Variants in TAFA2 observed in about 807,000 individuals in gnomAD.
The protein encoded by TAFA2 is TAFA chemokine like family member 2.
TAFA2 carries 7 observed loss-of-function variants against 18.8 expected under a neutral mutation model. That is an observed-to-expected ratio of 0.37 (90% CI 0.21 to 0.70). The LOEUF (loss-of-function observed/expected upper bound fraction) is 0.70. Among genes scored for constraint, TAFA2 ranks in the 30% least tolerant of loss-of-function variants. The pLI is 0.53. For synonymous variants in TAFA2, 60 were observed against 54.2 expected (o/e 1.11, Z -0.47); for missense variants, 122 against 158.1 (o/e 0.77, Z 1.23).
chr12:62,254,330 G>A lies in TAFA2; in HGVS notation c.-130+4433C>T, dbSNP rs541449127. Among the ~76,000 whole-genome samples, 23 of 152,244 alleles carry A rather than the reference G, an allele frequency of 1.5e-4. 2 individuals are homozygous for A. In the South Asian group the frequency reaches 4.6e-3, roughly 30 times the overall value. ...AGAAGTCTAGTATCACTATTTTACA[G>A]ATGAGAAAACTAATGTTTCCAGTAT... On this transcript the variant is annotated intron_variant, in intron 1 of 5. Coordinates refer to the TAFA2 transcript ENST00000551619.
At chr12:62,006,364 G>C (rs1363259832) in intron 1 of TAFA2, among the ~76,000 whole-genome samples, 2 of 152,000 alleles carry the variant, frequency 1.3e-5, no homozygotes, top group Admixed American at 6.6e-5. Context: ...AAACCAAAGC[G>C]CTCCTATAAA....
intron 1 of TAFA2, among the ~76,000 whole-genome samples, chr12:62,179,084 A>G (rs1406154061): frequency 1.3e-5 from 2 of 152,216 alleles, no homozygotes; most frequent in African/African-American, 2.4e-5. Flanking sequence ...ATATAGCACT[A>G]TTTAAGTATA....
At chr12:62,064,015 T>C (rs768441438) in intron 1 of TAFA2, among the ~76,000 whole-genome samples, 1 of 152,138 alleles carries the variant, frequency 6.6e-6, no homozygotes, top group Non-Finnish European at 1.5e-5. Flanking sequence ...CAATGGTAGG[T>C]GCTTAATATA....
At chr12:62,234,832 G>A (rs1434769603) in intron 1 of TAFA2, 49 of 1,025,616 alleles carry the variant, frequency 4.8e-5, no homozygotes, top group Non-Finnish European at 7.3e-5. Flanking sequence ...TGACTTACGA[G>A]AGTCCTGAGA....
At chr12:61,757,722 G>C (rs1869341729) in intron 2 of TAFA2, among the ~76,000 whole-genome samples, 1 of 152,018 alleles carries the variant, frequency 6.6e-6, no homozygotes, top group Non-Finnish European at 1.5e-5. Context: ...AGAAATGTGT[G>C]TGTGAAGGAA....
At chr12:62,150,889 A>G (rs994726731) in intron 1 of TAFA2, among the ~76,000 whole-genome samples, 2 of 143,474 alleles carry the variant, frequency 1.4e-5, no homozygotes, top group African/African-American at 5.1e-5. Flanking sequence ...GACCCTGTCC[A>G]AAAAAAAAAA....
intron 1 of TAFA2, among the ~76,000 whole-genome samples, chr12:61,990,501 G>A (rs1007956655): frequency 6.6e-6 from 1 of 151,746 alleles, no homozygotes; most frequent in African/African-American, 2.4e-5. Flanking sequence ...CACCACGTCC[G>A]GCTAATTTTT....
intron 1 of TAFA2, among the ~76,000 whole-genome samples, chr12:62,076,959 T>G (rs571428023): frequency 6.8e-4 from 104 of 152,316 alleles, no homozygotes; most frequent in South Asian, 3.1e-3. Flanking sequence ...CTAAAAGAAA[T>G]GAAGCCTCGA....
chr12:62,042,914 C>T (rs1881803120), intron 1 of TAFA2, among the ~76,000 whole-genome samples: 1 of 152,084 alleles, frequency 6.6e-6, no homozygotes, highest in Non-Finnish European at 1.5e-5. Flanking sequence ...GCCTTTCCTC[C>T]CCTTCTGTAG....
chr12:61,822,999 CAG>C (rs1423694726), intron 2 of TAFA2, among the ~76,000 whole-genome samples: 6 of 152,052 alleles, frequency 3.9e-5, no homozygotes, highest in African/African-American at 1.4e-4. Flanking sequence ...GCATTCTCTA[CAG>C]AGTTTTATCA....
chr12:61,767,721 C>T (rs1207961007), intron 2 of TAFA2, among the ~76,000 whole-genome samples: 3 of 151,876 alleles, frequency 2.0e-5, no homozygotes, highest in Admixed American at 2.0e-4. Context: ...CTGAGTGTCA[C>T]TCTAGATTAA....
chr12:62,029,691 A>T (rs1881401878), intron 1 of TAFA2, among the ~76,000 whole-genome samples: 1 of 152,056 alleles, frequency 6.6e-6, no homozygotes, highest in South Asian at 2.1e-4. Context: ...TATCACCATC[A>T]CCTCATTAGT....
At chr12:62,100,734 C>A (rs1443622874) in intron 1 of TAFA2, among the ~76,000 whole-genome samples, 2 of 152,184 alleles carry the variant, frequency 1.3e-5, no homozygotes, top group African/African-American at 4.8e-5. Context: ...CATAAGCAAA[C>A]AGTTCTGCCC....
chr12:62,155,302 CACAA>C (rs1168185222), intron 1 of TAFA2, among the ~76,000 whole-genome samples: 4 of 152,038 alleles, frequency 2.6e-5, no homozygotes, highest in African/African-American at 9.7e-5. Context: ...TCATAGATGA[CACAA>C]ACAAATAGAG....
chr12:61,786,882 C>G (rs1327552579), intron 2 of TAFA2, among the ~76,000 whole-genome samples: 1 of 151,022 alleles, frequency 6.6e-6, no homozygotes, highest in Non-Finnish European at 1.5e-5. Context: ...AGCTAACAAG[C>G]CAAATAAGAT....
intron 1 of TAFA2, among the ~76,000 whole-genome samples, chr12:62,227,740 G>A (rs2136982155): frequency 6.6e-6 from 1 of 152,234 alleles, no homozygotes; most frequent in Admixed American, 6.5e-5. Context: ...TCTTCTCATA[G>A]TCTCAATCCT....
At chr12:61,935,798 G>A (rs1480471012) in intron 1 of TAFA2, among the ~76,000 whole-genome samples, 1 of 151,758 alleles carries the variant, frequency 6.6e-6, no homozygotes, top group Non-Finnish European at 1.5e-5. Flanking sequence ...GATTGAACTA[G>A]GAAGAAAGTG....
intron 1 of TAFA2, among the ~76,000 whole-genome samples, chr12:61,989,863 G>A (rs1039488563): frequency 1.3e-5 from 2 of 152,182 alleles, no homozygotes; most frequent in African/African-American, 4.8e-5. Flanking sequence ...CACCTTAAAT[G>A]TGTAAATAAT....
At chr12:61,966,546 A>G (rs1879073626) in intron 1 of TAFA2, among the ~76,000 whole-genome samples, 1 of 151,884 alleles carries the variant, frequency 6.6e-6, no homozygotes, top group Non-Finnish European at 1.5e-5. Flanking sequence ...ACCATTCACC[A>G]ACACTCATTA....
Sources: gnomAD v4.1 joint callset for allele counts (sites outside exome capture counted in the v4.1 genomes callset) on GRCh38, gnomAD v4.1.1 for gene constraint, MANE v1.5 for transcripts, NCBI Gene and HGNC (gene_info 2026-07-23, HGNC 2026-07-21) for gene names.